DCC: variants seen among roughly 807,000 people sequenced by gnomAD.
The protein encoded by DCC is DCC netrin 1 receptor.
In DCC, 58 loss-of-function variants were observed where a neutral mutation model predicts 172.5. That is an observed-to-expected ratio of 0.34 (90% CI 0.27 to 0.42). The LOEUF (loss-of-function observed/expected upper bound fraction) is 0.42, where lower values mean the gene tolerates loss of function less well. DCC is among the 10% of genes least tolerant of loss of function. The pLI, the probability that DCC is intolerant of heterozygous loss-of-function variation, is 1.00. For missense variants in DCC, 1,740 were observed against 1,791.0 expected (o/e 0.97, Z 0.51); for synonymous variants, 709 against 644.5 (o/e 1.10, Z -1.52).
intron 12 of DCC, among the ~76,000 whole-genome samples, chr18:53,273,811 T>A (rs753792389): frequency 5.3e-5 from 8 of 151,930 alleles, no homozygotes; most frequent in Non-Finnish European, 1.2e-4. Flanking sequence ...ACTGCTCTTG[T>A]CCCAGTGAGT....
intron 15 of DCC, among the ~76,000 whole-genome samples, chr18:53,350,329 T>G (rs2057776196): frequency 6.6e-6 from 1 of 152,162 alleles, no homozygotes; most frequent in African/African-American, 2.4e-5. Context: ...CAATTAAAAC[T>G]TTTAGGGTTT....
intron 1 of DCC, among the ~76,000 whole-genome samples, chr18:52,384,887 A>T (rs1985730552): frequency 6.6e-6 from 1 of 152,182 alleles, no homozygotes; most frequent in Non-Finnish European, 1.5e-5. Flanking sequence ...TAACATACAC[A>T]AGCAATAATA....
intron 5 of DCC, among the ~76,000 whole-genome samples, chr18:52,943,722 G>C (rs1437654653): frequency 7.1e-6 from 1 of 140,132 alleles, no homozygotes; most frequent in Non-Finnish European, 1.5e-5. Context: ...ATTTTCCAAA[G>C]GACTGGCAAT....
At chr18:53,381,553 AC>A (rs1491418248) in intron 15 of DCC, among the ~76,000 whole-genome samples, 2 of 61,692 alleles carry the variant, frequency 3.2e-5, no homozygotes, top group East Asian at 6.1e-4. Flanking sequence ...TTTTATATTT[AC>A]CCCCCACCCC....
intron 1 of DCC, among the ~76,000 whole-genome samples, chr18:52,648,415 CA>C (rs2035059829): frequency 6.6e-6 from 1 of 152,210 alleles, no homozygotes; most frequent in Admixed American, 6.5e-5. Flanking sequence ...ATGAAATGGG[CA>C]CACTTTGGTT....
chr18:52,791,852 A>G (rs1395932854), intron 2 of DCC, among the ~76,000 whole-genome samples: 1 of 152,174 alleles, frequency 6.6e-6, no homozygotes, highest in African/African-American at 2.4e-5. Flanking sequence ...CTAATTAAGT[A>G]CTATTCTAAA....
chr18:52,864,843 C>G (rs545744970), intron 2 of DCC, among the ~76,000 whole-genome samples: 1 of 151,886 alleles, frequency 6.6e-6, no homozygotes, highest in South Asian at 2.1e-4. Context: ...CATGTCCCTG[C>G]AAAGGATATG....
At chr18:53,450,775 A>G (rs1376850932) in intron 23 of DCC, 113 bp downstream of exon 23, 1 of 908,464 alleles carries the variant, frequency 1.1e-6, no homozygotes, top group Non-Finnish European at 1.8e-6. Flanking sequence ...TTACTTCCTA[A>G]CCCTGGCAAA....
chr18:53,285,018 G>A (rs142671221), intron 12 of DCC, among the ~76,000 whole-genome samples: 377 of 152,176 alleles, frequency 2.5e-3, no homozygotes, highest in Middle Eastern at 0.014. Context: ...CAAAGCATTC[G>A]AGAGGTAACT....
chr18:53,199,289 T>A (rs563057028), intron 9 of DCC, among the ~76,000 whole-genome samples: 1 of 151,724 alleles, frequency 6.6e-6, no homozygotes, highest in Non-Finnish European at 1.5e-5. Context: ...TGGAGTATCA[T>A]CTTGTTGGCC....
At chr18:53,386,013 ACG>A in intron 15 of DCC, 28 bp from the exon 16 acceptor site, 1 of 1,357,956 alleles carries the variant, frequency 7.4e-7, no homozygotes, top group Non-Finnish European at 1.1e-6. Flanking sequence ...ATATATCAAC[ACG>A]TTCATATTGT....
At chr18:52,648,183 G>C (rs888047411) in intron 1 of DCC, among the ~76,000 whole-genome samples, 3 of 152,176 alleles carry the variant, frequency 2.0e-5, no homozygotes, top group Admixed American at 2.0e-4. Flanking sequence ...CAGTTCACAA[G>C]ACTTAACAGT....
intron 15 of DCC, among the ~76,000 whole-genome samples, chr18:53,343,529 T>C (rs531005344): frequency 1.3e-5 from 2 of 152,052 alleles, no homozygotes; most frequent in African/African-American, 4.8e-5. Flanking sequence ...ATTATCCTTT[T>C]CTTATGTTGT....
chr18:53,037,842 AT>A (rs960944057), intron 5 of DCC, among the ~76,000 whole-genome samples: 6 of 151,602 alleles, frequency 4.0e-5, no homozygotes, highest in East Asian at 3.9e-4. Flanking sequence ...ACTTGAAAGG[AT>A]TTTTTTTTAA....
chr18:52,951,781 G>A (rs1163981240), intron 5 of DCC, among the ~76,000 whole-genome samples: 3 of 152,144 alleles, frequency 2.0e-5, no homozygotes, highest in African/African-American at 4.8e-5. Context: ...ATCTCCAATA[G>A]CATTAGGGTC....
intron 1 of DCC, among the ~76,000 whole-genome samples, chr18:52,653,272 A>T (rs1041061249): frequency 3.9e-5 from 6 of 152,220 alleles, no homozygotes; most frequent in Admixed American, 2.6e-4. Context: ...GACTAAAAGG[A>T]GTAAGAGTCT....
intron 9 of DCC, among the ~76,000 whole-genome samples, chr18:53,197,191 G>A (rs1232410946): frequency 1.3e-5 from 2 of 152,094 alleles, no homozygotes; most frequent in Non-Finnish European, 1.5e-5. Context: ...CTTAAAGGGA[G>A]AGAGCTTTGT....
intron 7 of DCC, among the ~76,000 whole-genome samples, chr18:53,101,200 G>A (rs147578287): frequency 6.6e-6 from 1 of 152,242 alleles, no homozygotes; most frequent in East Asian, 1.9e-4. Context: ...AAGGTCGATT[G>A]TGAACACTCA....
chr18:53,438,157 T>C (rs956296318), intron 22 of DCC, among the ~76,000 whole-genome samples: 2 of 152,208 alleles, frequency 1.3e-5, no homozygotes, highest in Non-Finnish European at 2.9e-5. Context: ...ATTTTCACAT[T>C]GAAATTCATT....
Sources: allele counts gnomAD v4.1 joint callset (sites outside exome capture counted in the v4.1 genomes callset), GRCh38; gene constraint gnomAD v4.1.1; transcripts MANE v1.5; gene names NCBI Gene and HGNC (gene_info 2026-07-23, HGNC 2026-07-21).